Variants in SNCG observed in about 807,000 individuals in gnomAD.
The protein encoded by SNCG is gamma-synuclein.
Under a neutral mutation model 16.0 loss-of-function variants are expected in SNCG, and 13 were observed. The ratio of observed to expected loss-of-function variants is 0.81; its 90% CI spans 0.53 to 1.29. The LOEUF is 1.29. SNCG is among the 50% of genes most tolerant of loss of function. The pLI, the probability that SNCG is intolerant of heterozygous loss-of-function variation, is 0.00. For synonymous variants in SNCG, 66 were observed against 66.3 expected (o/e 1.00, Z 0.02); for missense variants, 154 against 168.5 (o/e 0.91, Z 0.48).
upstream of SNCG, among the ~76,000 whole-genome samples, chr10:86,956,389 G>A (rs10887682): frequency 0.47 from 71,130 of 152,078 alleles, 16,781 homozygotes; most frequent in South Asian, 0.49. Flanking sequence ...AGGCAGGTCC[G>A]CTCTGCGATG....
At chr10:86,957,637 A>C (rs758685791), upstream of SNCG, 13 of 1,457,344 alleles carry the variant, frequency 8.9e-6, no homozygotes, top group African/African-American at 1.8e-4. Flanking sequence ...TCAGGAGGAA[A>C]AGAAAATACG....
intron 3 of SNCG, among the ~76,000 whole-genome samples, chr10:86,960,805 G>A (rs137959745): frequency 1.4e-3 from 212 of 152,352 alleles, no homozygotes; most frequent in African/African-American, 5.0e-3. Flanking sequence ...TTGGCTGGGT[G>A]AGCTGTCCCA....
intron 1 of SNCG, 38 bp downstream of exon 1, chr10:86,958,856 CA>C (rs1175051313): frequency 6.4e-7 from 1 of 1,565,884 alleles, no homozygotes; most frequent in South Asian, 1.2e-5. Context: ...GTGTGGTGGC[CA>C]AAGGGTGAGT....
intron 4 of SNCG, 138 bp from the exon 5 acceptor site, chr10:86,962,827 C>A (rs1844379902): frequency 1.7e-6 from 2 of 1,189,104 alleles, no homozygotes; most frequent in Non-Finnish European, 2.4e-6. Context: ...CAGGGCTAAC[C>A]CTGAACCTGA....
chr10:86,962,795 C>T (rs1844379355), intron 4 of SNCG, 120 bp downstream of exon 4: 9 of 1,118,782 alleles, frequency 8.0e-6, no homozygotes, highest in South Asian at 7.5e-5. Flanking sequence ...TGACCTTCCA[C>T]AGCCCCTACA....
chr10:86,960,336 CCCTTCGGG>C (rs1169511639), intron 3 of SNCG, among the ~76,000 whole-genome samples: 1 of 152,200 alleles, frequency 6.6e-6, no homozygotes, highest in Non-Finnish European at 1.5e-5. Context: ...CCACAACCAC[CCCTTCGGG>C]GGACTTGGGA....
Position 86,963,098 on chromosome 10 carries a change from GC to G in SNCG, c.*116del. On this transcript the variant is annotated 3_prime_UTR_variant, in exon 5 of 5. Coordinates refer to ENST00000372017, the MANE Select transcript of SNCG (RefSeq NM_003087.3). ...GTGACATGCGGCTGCCCACGCTCCT[GC>G]CCTCGTCTCCCTGGCCACCCTTGGC... 1 of 1,132,206 alleles carries G rather than the reference GC, an allele frequency of 8.8e-7. No individual in the cohort carries two copies. Among genetic ancestry groups the G allele is most frequent in the African/African-American group, 1.6e-5 (1 of 64,112 alleles). The allele number at this position is 1,132,206 out of a possible 1,614,324, so 70.1% of individuals were successfully genotyped here.
upstream of SNCG, chr10:86,958,101 C>A (rs959912968): frequency 2.0e-6 from 2 of 985,250 alleles, no homozygotes; most frequent in Non-Finnish European, 2.4e-6. Context: ...ATCCTCCAAC[C>A]GGTTTCATGG....
chr10:86,962,601 C>T lies in SNCG; in HGVS notation c.292-3C>T, dbSNP rs781031270. The T allele has an allele frequency of 6.2e-7, 1 of 1,609,526 alleles. No individual in the cohort carries two copies. Among genetic ancestry groups the T allele is most frequent in the Non-Finnish European group, 8.5e-7 (1 of 1,177,154 alleles). ...GTCTCATGCCCCCTTTTGTCCCCTA[C>T]AGGAGGACTTGAGGCCATCTGCCCC... is the stretch of plus-strand genomic sequence containing the variant. On this transcript the variant is annotated splice_polypyrimidine_tract_variant and splice_region_variant and intron_variant, in intron 3 of 4. Coordinates refer to ENST00000372017, the MANE Select transcript of SNCG (RefSeq NM_003087.3).
upstream of SNCG, chr10:86,957,236 A>G: frequency 1.2e-6 from 1 of 861,358 alleles, no homozygotes. Flanking sequence ...CTACTTTTTC[A>G]GCCTCACAGA....
At chr10:86,957,637 A>G (rs758685791), upstream of SNCG, 82 of 1,457,342 alleles carry the variant, frequency 5.6e-5, no homozygotes, top group Non-Finnish European at 7.4e-5. Flanking sequence ...TCAGGAGGAA[A>G]AGAAAATACG....
At chr10:86,958,898 C>T in intron 1 of SNCG, 80 bp downstream of exon 1, 2 of 1,476,898 alleles carry the variant, frequency 1.4e-6, no homozygotes, top group South Asian at 1.3e-5. Context: ...CCTTACTCCC[C>T]AGCCCCAGGG....
chr10:86,957,161 C>G (rs1844247993), upstream of SNCG, among the ~76,000 whole-genome samples: 1 of 152,260 alleles, frequency 6.6e-6, no homozygotes, highest in Admixed American at 6.5e-5. Context: ...GCCCCATTCC[C>G]TGCCATGGCT....
chr10:86,958,508 CTCCCTCCCCG>C, upstream of SNCG: 1 of 1,219,204 alleles, frequency 8.2e-7, no homozygotes, highest in Non-Finnish European at 1.0e-6. Flanking sequence ...CCCTCCCTCC[CTCCCTCCCCG>C]CCCCCACTGC....
chr10:86,959,854 C>A lies in SNCG; in HGVS notation c.164-147C>A. ...GGCGTCTCCTTACCCCCACCAGCAT[C>A]AGAGGTGCCCTGGAGTCAGAGGGAG... On this transcript the variant is annotated intron_variant, in intron 2 of 4. Transcript: ENST00000372017. This position sits in a 1 kb window ranked among gnomAD's most constrained non-coding sequence, Gnocchi z 4.3. The A allele has an allele frequency of 7.3e-7, 1 of 1,378,930 alleles. No individual in the cohort carries two copies. Among genetic ancestry groups the A allele is most frequent in the Non-Finnish European group, 9.8e-7 (1 of 1,018,802 alleles). 85.4% of individuals were successfully genotyped at this position (1,378,930 alleles called of 1,614,324 possible).
rs1266268289 is a variant in SNCG at position 86,963,091 on chromosome 10, C to T, written c.*106C>T. On this transcript the variant is annotated 3_prime_UTR_variant, in exon 5 of 5. Transcript: ENST00000372017. ...GCCTTGAGTGACATGCGGCTGCCCA[C>T]GCTCCTGCCCTCGTCTCCCTGGCCA... 5.9e-6 allele frequency: 7 copies of T among 1,187,940 alleles called. No individual in the cohort carries two copies. The Admixed American group carries it at 7.8e-5, about 13-fold the overall frequency. 73.6% of individuals were successfully genotyped at this position (1,187,940 alleles called of 1,614,324 possible). A position where few individuals can be genotyped will look rare whatever the true frequency, so the allele number is the denominator to read the frequency against.
rs1450061148 is a variant in SNCG, at chr10:86,958,777, C to T, written c.80C>T (p.Thr27Met). ...GTGGAAAAGACCAAGCAGGGGGTGA[C>T]GGAAGCAGCTGAGAAGACCAAGGAG... is the stretch of plus-strand genomic sequence containing the variant. ...GAVEKTKQGV[T>M]EAAEKTKEGV... The change falls in exon 1 of 5, where the codon ACG (threonine) becomes ATG (methionine). Residue 27 changes from threonine (T) to methionine (M), a missense_variant. By Grantham distance (81) the Thr-to-Met change is moderately conservative (BLOSUM62 -1). Transcript: ENST00000372017. 9 of 1,612,924 alleles carry T rather than the reference C, an allele frequency of 5.6e-6. No homozygotes were observed. Among genetic ancestry groups the T allele is most frequent in the African/African-American group, 4.0e-5 (3 of 74,894 alleles).
At chr10:86,958,495 C>T (rs539422782), upstream of SNCG, 12 of 1,220,102 alleles carry the variant, frequency 9.8e-6, no homozygotes, top group East Asian at 2.1e-4. Context: ...GCTGAACCTC[C>T]TTCCCTCCCT....
chr10:86,963,131 A>G lies in SNCG; in HGVS notation c.*146A>G, dbSNP rs543570563. The G allele has an allele frequency of 2.8e-4, 205 of 728,394 alleles. No individual in the cohort carries two copies. Among genetic ancestry groups the G allele is most frequent in the Non-Finnish European group, 4.2e-4 (195 of 467,246 alleles). 45.1% of individuals were successfully genotyped at this position (728,394 alleles called of 1,614,324 possible). On this transcript the variant is annotated 3_prime_UTR_variant, in exon 5 of 5. Transcript: ENST00000372017. ...CTCCCTGGCCACCCTTGGCCTGTCCACCTGTGCTGCTGCACCAACCTCACT... is the reference window on the plus strand; with the variant it reads ...CTCCCTGGCCACCCTTGGCCTGTCCGCCTGTGCTGCTGCACCAACCTCACT...
Sources: allele counts gnomAD v4.1 joint callset (sites outside exome capture counted in the v4.1 genomes callset), GRCh38; gene constraint gnomAD v4.1.1; non-coding constraint Gnocchi (gnomAD v3.1); transcripts MANE v1.5; gene names NCBI Gene and HGNC (gene_info 2026-07-23, HGNC 2026-07-21).